DOCK2: variants seen among roughly 807,000 people sequenced by gnomAD.
The protein encoded by DOCK2 is dedicator of cytokinesis protein 2.
DOCK2 carries 87 observed loss-of-function variants against 248.9 expected under a neutral mutation model. The ratio of observed to expected loss-of-function variants is 0.35; its 90% CI spans 0.29 to 0.42. The LOEUF is 0.42. DOCK2 is among the 10% of genes least tolerant of loss of function. DOCK2 has a pLI of 1.00. For synonymous variants in DOCK2, 805 were observed against 821.6 expected (o/e 0.98, Z 0.35); for missense variants, 1,747 against 2,300.2 (o/e 0.76, Z 4.92).
chr5:169,730,147 G>C (rs544893523), intron 22 of DOCK2, among the ~76,000 whole-genome samples: 3 of 152,124 alleles, frequency 2.0e-5, no homozygotes, highest in Admixed American at 2.0e-4. Flanking sequence ...AGTAGAGATG[G>C]GGTTTTGCCA....
intron 46 of DOCK2, among the ~76,000 whole-genome samples, chr5:170,070,280 C>A (rs1757638378): frequency 6.6e-6 from 1 of 152,246 alleles, no homozygotes; most frequent in African/African-American, 2.4e-5. Flanking sequence ...GAAAAGCAAG[C>A]TTTTGTGGTT....
chr5:169,913,538 A>C (rs1774718161), intron 27 of DOCK2, among the ~76,000 whole-genome samples: 2 of 152,222 alleles, frequency 1.3e-5, no homozygotes, highest in Non-Finnish European at 2.9e-5. Flanking sequence ...ATTACTCAAA[A>C]GGAGCTCTAG....
Position 169,673,188 on chromosome 5 carries a change from G to A in DOCK2, c.322-1109G>A, listed in dbSNP as rs563168705. Among the ~76,000 whole-genome samples, 11 of 152,088 alleles carry A rather than the reference G, an allele frequency of 7.2e-5. No homozygotes were observed. In the South Asian group the frequency reaches 2.3e-3, roughly 32 times the overall value. Reference sequence around the variant, plus strand: ...CTCTAATCATGTGATTGGGGGTTTGGTTCCTAGTTGGTTCCTCTGCAACCA... The same window carrying A: ...CTCTAATCATGTGATTGGGGGTTTGATTCCTAGTTGGTTCCTCTGCAACCA... On this transcript the variant is annotated intron_variant, in intron 5 of 51. Coordinates refer to ENST00000520908, the MANE Select transcript of DOCK2 (RefSeq NM_004946.3).
intron 6 of DOCK2, among the ~76,000 whole-genome samples, chr5:169,680,947 A>G (rs1759623945): frequency 1.3e-5 from 2 of 151,978 alleles, no homozygotes; most frequent in African/African-American, 2.4e-5. Context: ...TTTATTTATA[A>G]AAATAAATAT....
chr5:170,009,322 A>G (rs892959443), intron 32 of DOCK2, among the ~76,000 whole-genome samples: 2 of 152,126 alleles, frequency 1.3e-5, no homozygotes, highest in East Asian at 3.9e-4. Context: ...TAAGAAGATT[A>G]TATTTAATCT....
chr5:169,874,969 C>G (rs979984973), intron 27 of DOCK2, among the ~76,000 whole-genome samples: 1 of 152,106 alleles, frequency 6.6e-6, no homozygotes, highest in African/African-American at 2.4e-5. Flanking sequence ...CCTCCATTCT[C>G]ACCTTTACCC....
chr5:169,829,082 A>G (rs1769059531), intron 26 of DOCK2, among the ~76,000 whole-genome samples: 1 of 152,118 alleles, frequency 6.6e-6, no homozygotes, highest in Non-Finnish European at 1.5e-5. Flanking sequence ...AAAAGGAAAC[A>G]CTAGTTTGCG....
At chr5:169,814,002 G>A (rs1767912699) in intron 26 of DOCK2, among the ~76,000 whole-genome samples, 1 of 152,120 alleles carries the variant, frequency 6.6e-6, no homozygotes, top group Non-Finnish European at 1.5e-5. Flanking sequence ...TTTTTGATTT[G>A]ACAAACACCA....
chr5:169,671,852 T>C (rs1439072225), intron 5 of DOCK2, among the ~76,000 whole-genome samples: 1 of 152,192 alleles, frequency 6.6e-6, no homozygotes, highest in Non-Finnish European at 1.5e-5. Flanking sequence ...AAATGTTGAC[T>C]CCCATGTGGA....
chr5:170,013,199 C>G (rs1050600605), intron 32 of DOCK2, among the ~76,000 whole-genome samples: 3 of 151,966 alleles, frequency 2.0e-5, no homozygotes, highest in Non-Finnish European at 2.9e-5. Context: ...AGCATGGCTT[C>G]CTAGGGTTGG....
intron 9 of DOCK2, among the ~76,000 whole-genome samples, chr5:169,692,407 G>A (rs1314801860): frequency 6.6e-6 from 1 of 152,152 alleles, no homozygotes. Context: ...ACCATAGATT[G>A]GAGCACAATT....
At chr5:169,967,458 G>A (rs1282990946) in intron 27 of DOCK2, among the ~76,000 whole-genome samples, 1 of 152,182 alleles carries the variant, frequency 6.6e-6, no homozygotes, top group African/African-American at 2.4e-5. Context: ...AGGGGAATTA[G>A]TATAAGTTCT....
chr5:169,758,946 A>G (rs1764335828), intron 23 of DOCK2, among the ~76,000 whole-genome samples: 1 of 152,266 alleles, frequency 6.6e-6, no homozygotes, highest in South Asian at 2.1e-4. Flanking sequence ...TAAATAAAAA[A>G]TGCATACTTC....
chr5:169,818,127 C>G (rs78183554), intron 26 of DOCK2, among the ~76,000 whole-genome samples: 2 of 152,154 alleles, frequency 1.3e-5, no homozygotes, highest in Non-Finnish European at 2.9e-5. Context: ...CGTGAACATG[C>G]GTAACCCATA....
Position 169,681,834 on chromosome 5 carries a change from T to G in DOCK2, c.561T>G (p.His187Gln). 1 of 1,613,986 alleles carries G rather than the reference T, an allele frequency of 6.2e-7. No individual in the cohort carries two copies. The highest frequency in any genetic ancestry group is 8.5e-7 in the Non-Finnish European group (1 of 1,179,932). Residue 187 changes from histidine to glutamine, a missense_variant, in exon 7 of 52, where the codon CAT becomes CAG. This residue lies in a region of DOCK2 where 375 missense variants were observed against 510.9 expected (regional missense o/e 0.73). Transcript: ENST00000520908. ...GTGTCATCAGCTTGTTCCATGCACATGAGGAAGCAACTGATAAAATCACAG... is the reference window on the plus strand; with the variant it reads ...GTGTCATCAGCTTGTTCCATGCACAGGAGGAAGCAACTGATAAAATCACAG... ...NTSVISLFHA[H>Q]EEATDKITER...
chr5:169,725,153 AT>A (rs1271137757), intron 22 of DOCK2, among the ~76,000 whole-genome samples: 32 of 152,288 alleles, frequency 2.1e-4, no homozygotes, highest in African/African-American at 6.7e-4. Context: ...AATGCCATTT[AT>A]TTCTGTGTAA....
At chr5:169,804,510 T>C (rs1018676486) in intron 26 of DOCK2, among the ~76,000 whole-genome samples, 12 of 146,598 alleles carry the variant, frequency 8.2e-5, no homozygotes, top group African/African-American at 3.0e-4. Context: ...GCGTAAGCAT[T>C]TTTGTCAAGG....
At chr5:169,802,563 C>T (rs569349284) in intron 25 of DOCK2, among the ~76,000 whole-genome samples, 3 of 151,918 alleles carry the variant, frequency 2.0e-5, no homozygotes, top group East Asian at 3.9e-4. Flanking sequence ...AGAAAGTGCT[C>T]CAAGAAATAT....
At chr5:169,792,154 G>T (rs904996517) in intron 25 of DOCK2, among the ~76,000 whole-genome samples, 5 of 152,266 alleles carry the variant, frequency 3.3e-5, no homozygotes, top group Admixed American at 2.6e-4. Flanking sequence ...CTGGAAGGGT[G>T]TGGGAGGTGC....
Sources: gnomAD v4.1 joint callset for allele counts (sites outside exome capture counted in the v4.1 genomes callset) on GRCh38, gnomAD v4.1.1 for gene constraint, gnomAD v4.1.1 regional missense constraint, MANE v1.5 for transcripts, NCBI Gene and HGNC (gene_info 2026-07-23, HGNC 2026-07-21) for gene names.